Variants in PCOLCE2 observed in about 807,000 individuals in gnomAD.
PCOLCE2 encodes procollagen C-proteinase enhancer 2.
Under a neutral mutation model 47.0 loss-of-function variants are expected in PCOLCE2, and 42 were observed. That is an observed-to-expected ratio of 0.89 (90% CI 0.70 to 1.16). The LOEUF is 1.16. Among genes scored for constraint, PCOLCE2 ranks in the 50% most tolerant of loss-of-function variants. PCOLCE2 has a pLI of 0.00. For missense variants in PCOLCE2, 500 were observed against 526.1 expected, an observed-to-expected ratio of 0.95 and a Z score of 0.49; for synonymous variants, 169 against 191.7, an observed-to-expected ratio of 0.88 and a Z score of 0.98.
chr3:142,829,880 C>T (rs1937126266), intron 5 of PCOLCE2, 34 bp from the exon 6 acceptor site: 1 of 1,298,638 alleles, frequency 7.7e-7, no homozygotes, highest in African/African-American at 1.5e-5. Context: ...TTTATAAATA[C>T]TTAAAAGTGG....
chr3:142,855,009 C>A (rs1933035607), intron 2 of PCOLCE2, among the ~76,000 whole-genome samples: 1 of 152,168 alleles, frequency 6.6e-6, no homozygotes, highest in South Asian at 2.1e-4. Flanking sequence ...TTCAAGGAGC[C>A]CTCCGAGCTG....
At chr3:142,882,603 G>C (rs894288063) in intron 2 of PCOLCE2, among the ~76,000 whole-genome samples, 2 of 151,100 alleles carry the variant, frequency 1.3e-5, no homozygotes, top group Non-Finnish European at 2.9e-5. Flanking sequence ...TAGAGAAGAG[G>C]TCTCACTCTG....
At chr3:142,827,491 C>G in intron 6 of PCOLCE2, 1 of 1,505,794 alleles carries the variant, frequency 6.6e-7, no homozygotes, top group Admixed American at 1.7e-5. Flanking sequence ...ATGCCCAGGA[C>G]AGCTTGCTAC....
chr3:142,864,806 T>G (rs1316898710), intron 2 of PCOLCE2, among the ~76,000 whole-genome samples: 1 of 152,224 alleles, frequency 6.6e-6, no homozygotes, highest in East Asian at 1.9e-4. Flanking sequence ...GCATAGTGTC[T>G]CTGAGGTCCA....
At chr3:142,875,700 AGAT>A (rs1933483698) in intron 2 of PCOLCE2, among the ~76,000 whole-genome samples, 2 of 152,156 alleles carry the variant, frequency 1.3e-5, no homozygotes, top group Non-Finnish European at 2.9e-5. Flanking sequence ...TTGTGAATGG[AGAT>A]GATGAAAACA....
rs763412812 is a variant in PCOLCE2 at position 142,818,425 on chromosome 3, C to T, written c.1158G>A (p.Gly386=). 1.4e-5 allele frequency: 22 copies of T among 1,612,488 alleles called. No homozygotes were observed. Among genetic ancestry groups the T allele is most frequent in the Middle Eastern group, 3.3e-4 (2 of 6,082 alleles). Residue 386 remains glycine (G), a synonymous_variant, in exon 9 of 9, where the codon GGG becomes GGA. Transcript: ENST00000295992. ...AGCTGTTTGGCATGATTTTGCCTCGCCCATCTTCACCTACTTGGCCCATAA... is the reference window on the plus strand; with the variant it reads ...AGCTGTTTGGCATGATTTTGCCTCGTCCATCTTCACCTACTTGGCCCATAA... ...YIIMGQVGED[G]RGKIMPNSFI...
chr3:142,887,664 CT>C lies in PCOLCE2; in HGVS notation c.192+4del. 1.4e-6 allele frequency: 2 copies of C among 1,447,736 alleles called. No individual in the cohort carries two copies. The highest frequency in any genetic ancestry group is 1.9e-6 in the Non-Finnish European group (2 of 1,028,944). 89.7% of individuals were successfully genotyped at this position (1,447,736 alleles called of 1,614,324 possible). On this transcript the variant is annotated splice_donor_region_variant and intron_variant, in intron 2 of 8. Transcript: ENST00000295992. ...CAGGAGAATACCTTTTTAAAAAATG[CT>C]TACTGTGATTTTCCAAGTACATTTG...
chr3:142,833,205 T>C (rs1447242987), intron 5 of PCOLCE2, among the ~76,000 whole-genome samples: 1 of 152,212 alleles, frequency 6.6e-6, no homozygotes, highest in African/African-American at 2.4e-5. Flanking sequence ...TTTTGTGTTT[T>C]TGAGACAAGG....
intron 2 of PCOLCE2, among the ~76,000 whole-genome samples, chr3:142,849,263 G>C (rs1937364789): frequency 6.6e-6 from 1 of 152,144 alleles, no homozygotes; most frequent in African/African-American, 2.4e-5. Context: ...CAATTGTGTA[G>C]TTAATTTACA....
At position 142,855,727 on chromosome 3, in the gene PCOLCE2, C is replaced by T. The variant is rs143840630; in HGVS notation, c.193-7255G>A. On this transcript the variant is annotated intron_variant, in intron 2 of 8. Coordinates refer to ENST00000295992, the MANE Select transcript of PCOLCE2 (RefSeq NM_013363.4). Reference sequence around the variant, plus strand: ...ATTACCTCCAGGCCTAGCCATAAGACACCCAGTGCAATCCTTTTGGAGTTC... The same window carrying T: ...ATTACCTCCAGGCCTAGCCATAAGATACCCAGTGCAATCCTTTTGGAGTTC... Among the ~76,000 whole-genome samples, 357 of 152,324 alleles carry T rather than the reference C, an allele frequency of 2.3e-3. 1 individual carries two copies. The highest frequency in any genetic ancestry group is 6.6e-3 in the African/African-American group (275 of 41,580).
Position 142,818,199 on chromosome 3 carries a change from G to C in PCOLCE2, c.*136C>G. On this transcript the variant is annotated 3_prime_UTR_variant, in exon 9 of 9. Transcript: ENST00000295992. Reference sequence around the variant, plus strand: ...CGGAGGCCTCATACCTCCATCATGTGAAGAGTCAACCAGTCCCATCTTTCG... The same window carrying C: ...CGGAGGCCTCATACCTCCATCATGTCAAGAGTCAACCAGTCCCATCTTTCG... 1 of 787,946 alleles carries C rather than the reference G, an allele frequency of 1.3e-6. No individual in the cohort carries two copies. The highest frequency in any genetic ancestry group is 2.0e-6 in the Non-Finnish European group (1 of 497,424). 48.8% of individuals were successfully genotyped at this position (787,946 alleles called of 1,614,324 possible). A position where few individuals can be genotyped will look rare whatever the true frequency, so the allele number is the denominator to read the frequency against.
At chr3:142,878,784 G>A (rs999231061) in intron 2 of PCOLCE2, among the ~76,000 whole-genome samples, 16 of 152,082 alleles carry the variant, frequency 1.1e-4, no homozygotes, top group African/African-American at 3.9e-4. Context: ...AATCCAGGAA[G>A]CGGAGGCTGC....
intron 8 of PCOLCE2, among the ~76,000 whole-genome samples, chr3:142,819,716 A>T (rs1459467037): frequency 6.6e-6 from 1 of 151,918 alleles, no homozygotes; most frequent in African/African-American, 2.4e-5. Flanking sequence ...TGTGATCATG[A>T]CTCACTGCAG....
chr3:142,852,065 C>T (rs557177628), intron 2 of PCOLCE2, among the ~76,000 whole-genome samples: 13 of 152,310 alleles, frequency 8.5e-5, no homozygotes, highest in African/African-American at 2.6e-4. Context: ...CGAACAACCC[C>T]GACAAAGCTT....
At chr3:142,853,090 GAGACCCTGTTTAA>G (rs969390946) in intron 2 of PCOLCE2, among the ~76,000 whole-genome samples, 1 of 145,290 alleles carries the variant, frequency 6.9e-6, no homozygotes, top group African/African-American at 2.6e-5. Context: ...AGAATAGAGA[GAGACCCTGTTTAA>G]AAAAAAAAAA....
chr3:142,855,087 G>A (rs973031623), intron 2 of PCOLCE2, among the ~76,000 whole-genome samples: 6 of 152,122 alleles, frequency 3.9e-5, no homozygotes, highest in East Asian at 3.9e-4. Context: ...TGATATACAC[G>A]GGTCTCACTC....
At chr3:142,841,085 A>G (rs556335270) in intron 4 of PCOLCE2, among the ~76,000 whole-genome samples, 2 of 152,102 alleles carry the variant, frequency 1.3e-5, no homozygotes, top group East Asian at 1.9e-4. Context: ...AAAAAAAAAA[A>G]AAAAAGAAAT....
chr3:142,819,962 TTC>T (rs71629546), intron 8 of PCOLCE2, among the ~76,000 whole-genome samples: 42 of 149,344 alleles, frequency 2.8e-4, no homozygotes, highest in Admixed American at 2.7e-4. Flanking sequence ...TTCTCTCTCT[TTC>T]TCTCTCTCTC....
At chr3:142,839,014 G>C (rs757117414) in intron 4 of PCOLCE2, 108 bp from the exon 5 acceptor site, 65 of 800,144 alleles carry the variant, frequency 8.1e-5, no homozygotes, top group Non-Finnish European at 1.2e-4. Context: ...ATTTTCCTTT[G>C]TAAAAAAAGT....
Sources: gnomAD v4.1 joint callset for allele counts (sites outside exome capture counted in the v4.1 genomes callset) on GRCh38, gnomAD v4.1.1 for gene constraint, MANE v1.5 for transcripts, NCBI Gene and HGNC (gene_info 2026-07-23, HGNC 2026-07-21) for gene names.